The following IPP variants were observed in gnomAD, a reference collection of about 807,000 sequenced individuals.
IPP encodes the protein actin-binding protein IPP.
Under a neutral mutation model 64.1 loss-of-function variants are expected in IPP, and 41 were observed. That is an observed-to-expected ratio of 0.64 (90% CI 0.50 to 0.83). The LOEUF (loss-of-function observed/expected upper bound fraction) is 0.83, where lower values mean the gene tolerates loss of function less well. IPP is among the 40% of genes least tolerant of loss of function. IPP has a pLI of 0.00. For synonymous variants in IPP, 214 were observed against 235.2 expected (o/e 0.91, Z 0.83); for missense variants, 649 against 703.0 (o/e 0.92, Z 0.87).
intron 5 of IPP, among the ~76,000 whole-genome samples, chr1:45,719,736 T>G (rs200927247): frequency 6.6e-6 from 1 of 152,224 alleles, no homozygotes; most frequent in East Asian, 1.9e-4. Flanking sequence ...GAAATTTTTC[T>G]TTTTTTGGAG....
chr1:45,702,666 G>A (rs984152300), intron 8 of IPP, among the ~76,000 whole-genome samples: 1 of 152,106 alleles, frequency 6.6e-6, no homozygotes, highest in Non-Finnish European at 1.5e-5. Context: ...TGTTGGCCAG[G>A]CTGGTCTTGA....
intron 3 of IPP, among the ~76,000 whole-genome samples, chr1:45,735,961 A>G (rs1470761446): frequency 1.3e-5 from 2 of 151,594 alleles, no homozygotes; most frequent in Non-Finnish European, 2.9e-5. Context: ...AATACAAAAA[A>G]TTATCCGGGC....
chr1:45,728,126 C>CTG (rs371114917), intron 4 of IPP, among the ~76,000 whole-genome samples: 16,498 of 132,118 alleles, frequency 0.12, 911 homozygotes, highest in Middle Eastern at 0.15. Context: ...GAGTTGAAAG[C>CTG]TGTGTGTGTG....
At chr1:45,696,300 A>G (rs188000506), downstream of IPP, among the ~76,000 whole-genome samples, 194 of 152,322 alleles carry the variant, frequency 1.3e-3, 3 homozygotes, top group African/African-American at 4.6e-3. Context: ...TTGGAGGTAG[A>G]TCACTTTAAT....
rs1646131351 is a variant in IPP at position 45,746,236 on chromosome 1, C to T, written c.176G>A (p.Ser59Asn). The T allele has an allele frequency of 1.2e-5, 19 of 1,614,186 alleles. No homozygotes were observed. The highest frequency in any genetic ancestry group is 1.6e-5 in the Non-Finnish European group (19 of 1,180,020). Residue 59 changes from serine (S) to asparagine (N), a missense_variant, in exon 2 of 9, where the codon AGT becomes AAT. By Grantham distance (46) the Ser-to-Asn change is conservative (BLOSUM62 1). Coordinates refer to ENST00000396478, the MANE Select transcript of IPP (RefSeq NM_005897.3). ...AGTGAACAAAGCTGCAAAGTAAGGA[C>T]TGCTGGCAGCCAAAACCAGCCGATG... ...KAHRLVLAAS[S>N]PYFAALFTGG... is the part of the protein sequence containing the mutation.
At chr1:45,694,816 G>C, downstream of IPP, 1 of 215,216 alleles carries the variant, frequency 4.6e-6, no homozygotes, top group South Asian at 9.8e-5. Context: ...AAAGCCACTA[G>C]TACATATAAA....
chr1:45,707,725 G>C (rs1218860381), intron 8 of IPP, among the ~76,000 whole-genome samples: 1 of 152,072 alleles, frequency 6.6e-6, no homozygotes, highest in Non-Finnish European at 1.5e-5. Flanking sequence ...ATGGCTGTGG[G>C]ACAATATTGG....
In IPP at chr1:45,698,717, CTTTTTTTTTT is replaced by C. The variant is rs78627575; in HGVS notation, c.*1239_*1248del. On this transcript the variant is annotated 3_prime_UTR_variant, in exon 9 of 9. Transcript: ENST00000396478. Reference sequence around the variant, plus strand: ...AGCAAAAAAGGAAGAATTTTTTTTTCTTTTTTTTTTTTTTTTTTTGAGACAGGTTCTCATG... The same window carrying C: ...AGCAAAAAAGGAAGAATTTTTTTTTCTTTTTTTTTGAGACAGGTTCTCATG... 0.34 allele frequency: 253,001 copies of C among 743,792 alleles called. 38,974 individuals are homozygous for C. The highest frequency in any genetic ancestry group is 0.42 in the South Asian group (6,668 of 15,900). 46.1% of individuals were successfully genotyped at this position (743,792 alleles called of 1,614,324 possible).
chr1:45,740,885 A>G lies in IPP; in HGVS notation c.724+16T>C, dbSNP rs2148581427. Reference sequence around the variant, plus strand: ...GATAATTAATCAACTAATTCGATATATAGCAAAAAAGTTACCTTCTATATA... The same window carrying G: ...GATAATTAATCAACTAATTCGATATGTAGCAAAAAAGTTACCTTCTATATA... On this transcript the variant is annotated intron_variant, in intron 3 of 8. Transcript: ENST00000396478. 6.8e-7 allele frequency: 1 copy of G among 1,481,238 alleles called. No individual in the cohort carries two copies. Among genetic ancestry groups the G allele is most frequent in the Non-Finnish European group, 9.1e-7 (1 of 1,094,678 alleles). 91.8% of individuals were successfully genotyped at this position (1,481,238 alleles called of 1,614,324 possible). A position where few individuals can be genotyped will look rare whatever the true frequency, so the allele number is the denominator to read the frequency against.
intron 8 of IPP, 48 bp from the exon 9 acceptor site, chr1:45,700,238 T>C (rs1467661965): frequency 6.4e-7 from 1 of 1,560,790 alleles, no homozygotes; most frequent in Non-Finnish European, 8.6e-7. Flanking sequence ...TATGAAATGA[T>C]AGTAAAGAAA....
At chr1:45,734,599 C>A (rs1570028234) in intron 3 of IPP, among the ~76,000 whole-genome samples, 1 of 151,986 alleles carries the variant, frequency 6.6e-6, no homozygotes, top group African/African-American at 2.4e-5. Flanking sequence ...CACCACCATG[C>A]CAGGGTAATT....
intron 3 of IPP, among the ~76,000 whole-genome samples, chr1:45,731,203 G>T (rs1352586675): frequency 2.0e-5 from 3 of 152,206 alleles, no homozygotes; most frequent in Non-Finnish European, 4.4e-5. Flanking sequence ...CACTTTGGGA[G>T]GCTGAGGTGG....
chr1:45,739,512 G>A (rs1263342077), intron 3 of IPP, among the ~76,000 whole-genome samples: 1 of 143,366 alleles, frequency 7.0e-6, no homozygotes, highest in Non-Finnish European at 1.5e-5. Flanking sequence ...GCCTTGGCCT[G>A]CTAAAGTGCC....
rs144799435 is a variant in IPP, at chr1:45,712,605, C to A, written c.1530+1641G>T. On this transcript the variant is annotated intron_variant, in intron 8 of 8. Coordinates refer to ENST00000396478, the MANE Select transcript of IPP (RefSeq NM_005897.3). ...GGCACGGTGGGCTCATGCCTGTAAT[C>A]CCAGCACTTTGGGAGGCCGAGGCAG... Among the ~76,000 whole-genome samples, 1,397 of 151,672 alleles carry A rather than the reference C, an allele frequency of 9.2e-3. 11 individuals are homozygous for A. Among genetic ancestry groups the A allele is most frequent in the Non-Finnish European group, 0.015 (999 of 67,866 alleles).
chr1:45,741,302 T>C lies in IPP; in HGVS notation c.323A>G (p.Gln108Arg). 3 of 1,613,290 alleles carry C rather than the reference T, an allele frequency of 1.9e-6. No homozygotes were observed. The highest frequency in any genetic ancestry group is 1.3e-5 in the African/African-American group (1 of 75,034). ...CATGTCTGCTGCAATAATCAACTCC[T>C]GGACATTATTCACACCTATGTTCAC... ...GIVNIGVNNV[Q>R]ELIIAADMLQ... Residue 108 changes from glutamine to arginine, a missense_variant, in exon 3 of 9, where the codon CAG becomes CGG. By Grantham distance (43) the Gln-to-Arg change is conservative. Coordinates refer to ENST00000396478, the MANE Select transcript of IPP (RefSeq NM_005897.3).
intron 8 of IPP, among the ~76,000 whole-genome samples, chr1:45,706,525 C>G (rs998167383): frequency 1.4e-4 from 21 of 152,306 alleles, no homozygotes; most frequent in African/African-American, 5.1e-4. Context: ...TCCCAGCTCA[C>G]TGCAACCTCT....
rs184895778 is a variant in IPP, at chr1:45,737,592, C to G, written c.724+3309G>C. ...CTTCCCACCTCAGCCCCATGAATAG[C>G]TGGGTCTACAAGCACATGCCACCAT... is the stretch of plus-strand genomic sequence containing the variant. On this transcript the variant is annotated intron_variant, in intron 3 of 8. Transcript: ENST00000396478. Among the ~76,000 whole-genome samples the G allele has an allele frequency of 3.3e-5, 5 of 151,650 alleles. No individual in the cohort carries two copies. The Admixed American group carries it at 3.3e-4, about 10-fold the overall frequency.
At chr1:45,724,955 G>A (rs1645792939) in intron 5 of IPP, among the ~76,000 whole-genome samples, 1 of 137,718 alleles carries the variant, frequency 7.3e-6, no homozygotes, top group East Asian at 2.4e-4. Context: ...CTGCCCGGCC[G>A]CCCCTACTGG....
chr1:45,723,973 C>T (rs1645766986), intron 5 of IPP, among the ~76,000 whole-genome samples: 1 of 149,294 alleles, frequency 6.7e-6, no homozygotes, highest in Non-Finnish European at 1.5e-5. Flanking sequence ...TCCCTCTCCC[C>T]CTCCCCCTCC....
Sources: allele counts gnomAD v4.1 joint callset (sites outside exome capture counted in the v4.1 genomes callset), GRCh38; gene constraint gnomAD v4.1.1; transcripts MANE v1.5; gene names NCBI Gene and HGNC (gene_info 2026-07-23, HGNC 2026-07-21).